The following CDC14B variants were observed in gnomAD, a reference collection of about 807,000 sequenced individuals.
CDC14B encodes the protein dual specificity protein phosphatase CDC14B.
CDC14B carries 22 observed loss-of-function variants against 64.2 expected under a neutral mutation model. That is an observed-to-expected ratio of 0.34 (90% confidence interval 0.24 to 0.49). CDC14B has a LOEUF of 0.49. Among genes scored for constraint, CDC14B ranks in the 20% least tolerant of loss-of-function variants. The pLI is 0.99. For missense variants in CDC14B, 498 were observed against 629.9 expected, an observed-to-expected ratio of 0.79 and a Z score of 2.24; for synonymous variants, 191 against 215.8, an observed-to-expected ratio of 0.89 and a Z score of 1.01.
At chr9:96,508,455 C>T (rs534490284) in intron 13 of CDC14B, among the ~76,000 whole-genome samples, 17 of 152,298 alleles carry the variant, frequency 1.1e-4, no homozygotes, top group African/African-American at 3.9e-4. Context: ...AATAACACTC[C>T]GCTATTGTTC....
At chr9:96,616,504 T>A (rs972202495) in intron 1 of CDC14B, among the ~76,000 whole-genome samples, 1 of 151,994 alleles carries the variant, frequency 6.6e-6, no homozygotes, top group South Asian at 2.1e-4. Flanking sequence ...GGCGGGCGGA[T>A]CACAAGGTCA....
intron 13 of CDC14B, among the ~76,000 whole-genome samples, chr9:96,504,297 G>A (rs111265313): frequency 1.5e-4 from 23 of 152,040 alleles, no homozygotes; most frequent in Admixed American, 9.8e-4. Flanking sequence ...GGCACCCCAC[G>A]GGCTACCTGC....
rs144643772 is a variant in CDC14B, at chr9:96,593,359, C to T, written c.160+25860G>A. ...AAAATTAGCTGGGCGTAGTGGTGCACACCTGTAGTACCAGCTGGTCGGGAG... is the reference window on the plus strand; with the variant it reads ...AAAATTAGCTGGGCGTAGTGGTGCATACCTGTAGTACCAGCTGGTCGGGAG... On this transcript the variant is annotated intron_variant, in intron 1 of 13. Coordinates refer to ENST00000375241, the MANE Select transcript of CDC14B (RefSeq NM_033331.4). Among the ~76,000 whole-genome samples the T allele has an allele frequency of 2.6e-5, 4 of 151,976 alleles. No homozygotes were observed. The East Asian group carries it at 5.8e-4, about 22-fold the overall frequency.
At chr9:96,574,016 G>A (rs113783813) in intron 1 of CDC14B, among the ~76,000 whole-genome samples, 2,593 of 152,070 alleles carry the variant, frequency 0.017, 78 homozygotes, top group African/African-American at 0.059. Context: ...GCATGGTGGC[G>A]GGCACCCGTA....
intron 1 of CDC14B, among the ~76,000 whole-genome samples, chr9:96,582,887 T>C (rs577637900): frequency 6.6e-6 from 1 of 152,282 alleles, no homozygotes; most frequent in African/African-American, 2.4e-5. Context: ...TTTTATATAA[T>C]GGGCCTGGGT....
chr9:96,594,674 G>T (rs1355210370), intron 1 of CDC14B, among the ~76,000 whole-genome samples: 1 of 123,584 alleles, frequency 8.1e-6, no homozygotes, highest in Non-Finnish European at 1.6e-5. Flanking sequence ...CGGAGATTGC[G>T]CCACTGCACT....
intron 1 of CDC14B, among the ~76,000 whole-genome samples, chr9:96,571,126 G>A (rs183231983): frequency 9.6e-4 from 146 of 151,704 alleles, no homozygotes; most frequent in Non-Finnish European, 1.7e-3. Context: ...AAACACAGAT[G>A]AAATGATTTT....
intron 5 of CDC14B, among the ~76,000 whole-genome samples, chr9:96,546,651 C>T (rs541208187): frequency 9.3e-4 from 141 of 152,072 alleles, no homozygotes; most frequent in Non-Finnish European, 1.7e-3. Context: ...GGTTTTACCA[C>T]GTTGGCCAGG....
chr9:96,544,320 AT>A (rs1840499262), intron 5 of CDC14B, among the ~76,000 whole-genome samples: 1 of 152,214 alleles, frequency 6.6e-6, no homozygotes, highest in Non-Finnish European at 1.5e-5. Flanking sequence ...AAATGTTAGA[AT>A]AAAAACTAAA....
chr9:96,612,519 ATCTG>A (rs755496639), intron 1 of CDC14B, among the ~76,000 whole-genome samples: 93 of 152,264 alleles, frequency 6.1e-4, no homozygotes, highest in Middle Eastern at 3.4e-3. Flanking sequence ...GTTACTAATA[ATCTG>A]TCTGTGCTCA....
At chr9:96,565,569 C>A in intron 1 of CDC14B, 86 bp from the exon 2 acceptor site, 1 of 896,386 alleles carries the variant, frequency 1.1e-6, no homozygotes, top group South Asian at 1.4e-5. Flanking sequence ...CAGATGAAGT[C>A]AATTTTTCAT....
intron 7 of CDC14B, among the ~76,000 whole-genome samples, chr9:96,536,846 C>T (rs1205126151): frequency 1.3e-5 from 2 of 152,128 alleles, no homozygotes; most frequent in African/African-American, 2.4e-5. Context: ...GGCTTTAGCA[C>T]AGTATCTTAC....
chr9:96,593,226 C>T (rs1398904729), intron 1 of CDC14B, among the ~76,000 whole-genome samples: 2 of 152,074 alleles, frequency 1.3e-5, no homozygotes, highest in African/African-American at 4.8e-5. Context: ...TGGTGGCTCA[C>T]GCCTGTAATC....
chr9:96,518,606 C>T (rs1836126584), intron 12 of CDC14B, among the ~76,000 whole-genome samples: 2 of 152,182 alleles, frequency 1.3e-5, no homozygotes, highest in African/African-American at 2.4e-5. Flanking sequence ...CCTTACCCCA[C>T]AAGTTATACC....
intron 1 of CDC14B, among the ~76,000 whole-genome samples, chr9:96,571,180 T>A (rs562388527): frequency 0.019 from 2,586 of 132,680 alleles, 31 homozygotes; most frequent in Non-Finnish European, 0.027. Context: ...GAAAAAAAAA[T>A]TTTTTTTTTT....
intron 1 of CDC14B, chr9:96,618,562 T>A (rs1399574100): frequency 1.9e-6 from 1 of 533,358 alleles, no homozygotes; most frequent in Non-Finnish European, 3.8e-6. Context: ...CTGGCTCGAA[T>A]GCCACCAACG....
chr9:96,572,759 G>C (rs1366431926), intron 1 of CDC14B, among the ~76,000 whole-genome samples: 2 of 152,184 alleles, frequency 1.3e-5, no homozygotes, highest in African/African-American at 4.8e-5. Context: ...TTAAGTCTTT[G>C]CACAATGGAG....
chr9:96,545,104 T>C (rs769261533), intron 5 of CDC14B, among the ~76,000 whole-genome samples: 13 of 152,136 alleles, frequency 8.5e-5, no homozygotes, highest in Non-Finnish European at 1.8e-4. Flanking sequence ...TGTGATTGTG[T>C]TCAAGTTTAT....
At chr9:96,494,905 G>A (rs1833186309) in intron 13 of CDC14B, among the ~76,000 whole-genome samples, 1 of 150,828 alleles carries the variant, frequency 6.6e-6, no homozygotes, top group African/African-American at 2.4e-5. Context: ...CGCGATCTCG[G>A]CTCACTGCAA....
Sources: gnomAD v4.1 joint callset for allele counts (sites outside exome capture counted in the v4.1 genomes callset) on GRCh38, gnomAD v4.1.1 for gene constraint, MANE v1.5 for transcripts, NCBI Gene and HGNC (gene_info 2026-07-23, HGNC 2026-07-21) for gene names.